Variants in HECW2 observed in about 807,000 individuals in gnomAD.
HECW2 encodes HECT, C2 and WW domain containing E3 ubiquitin protein ligase 2, also known as E3 ubiquitin-protein ligase HECW2.
HECW2 carries 61 observed loss-of-function variants against 175.2 expected under a neutral mutation model. The observed-to-expected ratio is 0.35, with a 90% CI of 0.28 to 0.43. The LOEUF is 0.43. HECW2 is among the 20% of genes least tolerant of loss of function. HECW2 has a pLI of 1.00. For missense variants in HECW2, 1,524 were observed against 2,000.5 expected, an observed-to-expected ratio of 0.76 and a Z score of 4.54; for synonymous variants, 671 against 731.0, an observed-to-expected ratio of 0.92 and a Z score of 1.32.
chr2:196,256,318 T>C (rs908290504), intron 18 of HECW2, among the ~76,000 whole-genome samples: 5 of 152,194 alleles, frequency 3.3e-5, no homozygotes, highest in Non-Finnish European at 7.4e-5. Flanking sequence ...CCATTAGCTT[T>C]ACAGAACCTG....
intron 10 of HECW2, chr2:196,316,931 A>G: frequency 8.9e-6 from 2 of 224,354 alleles, no homozygotes; most frequent in Non-Finnish European, 1.8e-5. Context: ...AGAGTGTACC[A>G]ATTTGTCTAT....
rs149684939 is a variant in HECW2 at position 196,547,119 on chromosome 2, C to T, written c.-36+46389G>A. ...AGCTATCTTTACCTCTAGTAAAGAG[C>T]TGAGGTTCTCAGTTATCAAAATGGA... On this transcript the variant is annotated intron_variant, in intron 1 of 28. Coordinates refer to ENST00000644978, the MANE Select transcript of HECW2 (RefSeq NM_001348768.2). 2.7e-3 allele frequency among the ~76,000 whole-genome samples: 417 copies of T among 152,270 alleles called. 3 individuals are homozygous for T. Among genetic ancestry groups the T allele is most frequent in the African/African-American group, 9.3e-3 (385 of 41,556 alleles).
At chr2:196,251,066 G>C (rs1688835048) in intron 19 of HECW2, among the ~76,000 whole-genome samples, 1 of 152,060 alleles carries the variant, frequency 6.6e-6, no homozygotes, top group Non-Finnish European at 1.5e-5. Flanking sequence ...TTGAGACAGG[G>C]TCTCACTCTG....
At chr2:196,465,588 A>G (rs1010039086) in intron 1 of HECW2, among the ~76,000 whole-genome samples, 2 of 152,004 alleles carry the variant, frequency 1.3e-5, no homozygotes, top group African/African-American at 4.8e-5. Flanking sequence ...ATCTTACTTT[A>G]GGGAACCTGC....
At chr2:196,361,011 C>T (rs1408142644) in intron 2 of HECW2, among the ~76,000 whole-genome samples, 2 of 152,144 alleles carry the variant, frequency 1.3e-5, no homozygotes, top group Non-Finnish European at 2.9e-5. Flanking sequence ...CCCTACATGG[C>T]AATAAAAATG....
intron 1 of HECW2, among the ~76,000 whole-genome samples, chr2:196,448,479 T>C (rs373142054): frequency 1.3e-5 from 2 of 152,194 alleles, no homozygotes; most frequent in African/African-American, 4.8e-5. Flanking sequence ...ATGAAAGCTA[T>C]ATCATATGGA....
chr2:196,458,427 C>T (rs899501586), intron 1 of HECW2, among the ~76,000 whole-genome samples: 1 of 113,166 alleles, frequency 8.8e-6, no homozygotes, highest in Non-Finnish European at 2.1e-5. Flanking sequence ...CTCTCTCCCT[C>T]TCACTCACTC....
At chr2:196,479,343 C>T (rs1001592689) in intron 1 of HECW2, among the ~76,000 whole-genome samples, 3 of 152,228 alleles carry the variant, frequency 2.0e-5, no homozygotes, top group Non-Finnish European at 4.4e-5. Context: ...AGATTGCATG[C>T]TCTTTCACTG....
At chr2:196,509,484 T>C (rs1327999102) in intron 1 of HECW2, among the ~76,000 whole-genome samples, 11 of 152,234 alleles carry the variant, frequency 7.2e-5, no homozygotes, top group Admixed American at 7.2e-4. Flanking sequence ...AATCTTCTAA[T>C]AGTGCCTTTG....
chr2:196,345,249 G>A (rs1252046808), intron 2 of HECW2, among the ~76,000 whole-genome samples: 1 of 152,166 alleles, frequency 6.6e-6, no homozygotes, highest in African/African-American at 2.4e-5. Flanking sequence ...AAAATCACTG[G>A]ATTTGAAAGG....
At chr2:196,351,638 T>C (rs997438889) in intron 2 of HECW2, among the ~76,000 whole-genome samples, 2 of 152,232 alleles carry the variant, frequency 1.3e-5, no homozygotes, top group East Asian at 3.8e-4. Flanking sequence ...AAATTTTCTT[T>C]TGCTTTAAAG....
intron 21 of HECW2, among the ~76,000 whole-genome samples, chr2:196,231,092 C>CAAAAAAAAAA (rs10653412): frequency 3.6e-5 from 2 of 55,328 alleles, no homozygotes; most frequent in African/African-American, 8.6e-5. Flanking sequence ...GACTCCGTCT[C>CAAAAAAAAAA]AAAAAAAAAA....
intron 19 of HECW2, among the ~76,000 whole-genome samples, chr2:196,251,062 C>T (rs1331696573): frequency 6.6e-6 from 1 of 152,102 alleles, no homozygotes; most frequent in Non-Finnish European, 1.5e-5. Flanking sequence ...CCTTTTGAGA[C>T]AGGGTCTCAC....
chr2:196,296,267 CAAAG>C lies in HECW2; in HGVS notation c.2815-3521_2815-3518del, dbSNP rs1290787201. On this transcript the variant is annotated intron_variant, in intron 13 of 28. Coordinates refer to ENST00000644978, the MANE Select transcript of HECW2 (RefSeq NM_001348768.2). The stretch of plus-strand genomic sequence containing the variant: ...GTCTCAGCTCTGTCACTCATAGAGA[CAAAG>C]AAAACTACTTAATCTCTGTCTCAAT... 2.0e-5 allele frequency among the ~76,000 whole-genome samples: 3 copies of C among 152,022 alleles called. No homozygotes were observed. In the East Asian group the frequency reaches 5.8e-4, roughly 29 times the overall value.
intron 1 of HECW2, among the ~76,000 whole-genome samples, chr2:196,495,733 A>G (rs1050870669): frequency 6.6e-6 from 1 of 152,180 alleles, no homozygotes; most frequent in Non-Finnish European, 1.5e-5. Flanking sequence ...AATGAGAATA[A>G]TTGCAACTAC....
At chr2:196,455,372 A>G (rs1241192943) in intron 1 of HECW2, among the ~76,000 whole-genome samples, 1 of 152,204 alleles carries the variant, frequency 6.6e-6, no homozygotes, top group Admixed American at 6.5e-5. Flanking sequence ...AAAGTAGTCA[A>G]TCATATCATT....
At chr2:196,213,849 A>G (rs931054813) in intron 28 of HECW2, among the ~76,000 whole-genome samples, 1 of 152,124 alleles carries the variant, frequency 6.6e-6, no homozygotes, top group Non-Finnish European at 1.5e-5. Context: ...TTCTTGCTCA[A>G]CCCAACCTAA....
chr2:196,513,309 G>C (rs1380018446), intron 1 of HECW2, among the ~76,000 whole-genome samples: 1 of 152,174 alleles, frequency 6.6e-6, no homozygotes, highest in East Asian at 1.9e-4. Context: ...CCAGGAGTGA[G>C]ACCAGCCTGG....
intron 28 of HECW2, among the ~76,000 whole-genome samples, chr2:196,202,939 T>C (rs1686918809): frequency 1.3e-5 from 2 of 152,188 alleles, no homozygotes; most frequent in East Asian, 3.8e-4. Context: ...ATGCACCTTG[T>C]ATACACAGAC....
Sources: gnomAD v4.1 joint callset for allele counts (sites outside exome capture counted in the v4.1 genomes callset) on GRCh38, gnomAD v4.1.1 for gene constraint, MANE v1.5 for transcripts, NCBI Gene and HGNC (gene_info 2026-07-23, HGNC 2026-07-21) for gene names.